CEP83: variants seen among roughly 807,000 people sequenced by gnomAD.
CEP83 encodes centrosomal protein of 83 kDa.
Under a neutral mutation model 101.9 loss-of-function variants are expected in CEP83, and 70 were observed. That is an observed-to-expected ratio of 0.69 (90% CI 0.57 to 0.84). CEP83 has a LOEUF of 0.84. CEP83 is among the 40% of genes least tolerant of loss of function. The probability of loss-of-function intolerance (pLI) is 0.00; values close to 1 mark genes in which losing one functional copy is unlikely to be tolerated. For synonymous variants in CEP83, 264 were observed against 267.9 expected, an observed-to-expected ratio of 0.99 and a Z score of 0.14; for missense variants, 715 against 787.2, an observed-to-expected ratio of 0.91 and a Z score of 1.10.
Position 94,428,158 on chromosome 12 carries a change from T to C in CEP83, c.-102+7117A>G, listed in dbSNP as rs147600862. On this transcript the variant is annotated intron_variant, in intron 2 of 16. Transcript: ENST00000397809. ...AATTCACACAAAAGAATCTAGAAAG[T>C]AGGACATAGTAATGACTCAACCTCA... 1.7e-3 allele frequency among the ~76,000 whole-genome samples: 254 copies of C among 152,374 alleles called. 2 individuals are homozygous for C. The highest frequency in any genetic ancestry group is 5.7e-3 in the African/African-American group (235 of 41,592).
intron 4 of CEP83, among the ~76,000 whole-genome samples, chr12:94,408,638 G>C (rs1297212962): frequency 6.6e-6 from 1 of 151,890 alleles, no homozygotes; most frequent in African/African-American, 2.4e-5. Context: ...AAAGTGTGGT[G>C]GTGTAACCAT....
rs79115110 is a variant in CEP83 at position 94,411,959 on chromosome 12, C to T, written c.174-112G>A. 45,915 of 784,370 alleles carry T rather than the reference C, an allele frequency of 0.059. 1,690 individuals are homozygous for T. The highest frequency in any genetic ancestry group is 0.076 in the Non-Finnish European group (36,864 of 482,554). 48.6% of individuals were successfully genotyped at this position (784,370 alleles called of 1,614,324 possible). A position where few individuals can be genotyped will look rare whatever the true frequency, so the allele number is the denominator to read the frequency against. ...AAAAACAAGACCAATATCACACATT[C>T]CTTTAAACCCACAAGTATCTTTTAT... On this transcript the variant is annotated intron_variant, in intron 3 of 16. Coordinates refer to ENST00000397809, the MANE Select transcript of CEP83 (RefSeq NM_016122.3).
intron 1 of CEP83, among the ~76,000 whole-genome samples, chr12:94,450,085 C>T (rs1180375159): frequency 6.6e-6 from 1 of 152,152 alleles, no homozygotes; most frequent in African/African-American, 2.4e-5. Flanking sequence ...TGTTTTCCCC[C>T]TAAGACTGGG....
At chr12:94,319,297 T>C (rs1593121582) in intron 14 of CEP83, among the ~76,000 whole-genome samples, 1 of 152,294 alleles carries the variant, frequency 6.6e-6, no homozygotes, top group East Asian at 1.9e-4. Context: ...GATCTTCTCA[T>C]TTTTCTTCAT....
chr12:94,426,448 A>G (rs1593969722), intron 2 of CEP83, among the ~76,000 whole-genome samples: 1 of 152,224 alleles, frequency 6.6e-6, no homozygotes, highest in East Asian at 1.9e-4. Context: ...TGTCTTACTC[A>G]TGTTCATAAT....
intron 11 of CEP83, among the ~76,000 whole-genome samples, chr12:94,347,411 T>C (rs1189971284): frequency 6.6e-6 from 1 of 152,124 alleles, no homozygotes; most frequent in Non-Finnish European, 1.5e-5. Flanking sequence ...CAAGTGTCAG[T>C]AGGGATGTAA....
At chr12:94,314,778 T>C (rs1239888999) in intron 14 of CEP83, among the ~76,000 whole-genome samples, 1 of 152,236 alleles carries the variant, frequency 6.6e-6, no homozygotes, top group Non-Finnish European at 1.5e-5. Context: ...TTTATCACCA[T>C]AAGTATTTAT....
chr12:94,391,741 G>A (rs952736198), intron 6 of CEP83, among the ~76,000 whole-genome samples: 10 of 151,946 alleles, frequency 6.6e-5, no homozygotes, highest in Non-Finnish European at 1.5e-4. Flanking sequence ...CCCATCTCAC[G>A]TGCAAAGACG....
At chr12:94,294,384 A>T in the CEP83 span, 6 of 606,968 alleles carry the variant, frequency 9.9e-6, no homozygotes, top group East Asian at 1.5e-4. Flanking sequence ...TTGATTTAAT[A>T]AGTGACAGCA....
chr12:94,452,281 A>C lies in CEP83; in HGVS notation c.-155+7276T>G, dbSNP rs563276403. ...GTGATGACAGTCGCACAACTCTATA[A>C]AGTTGCTAAAAACCATTAAATTGTA... On this transcript the variant is annotated intron_variant, in intron 1 of 16. Coordinates refer to ENST00000397809, the MANE Select transcript of CEP83 (RefSeq NM_016122.3). Among the ~76,000 whole-genome samples the C allele has an allele frequency of 1.8e-4, 28 of 152,234 alleles. No individual in the cohort carries two copies. The South Asian group carries it at 4.1e-3, about 23-fold the overall frequency.
the CEP83 span, among the ~76,000 whole-genome samples, chr12:94,284,136 T>TGGTCTTA: frequency 2.7e-5 from 4 of 149,962 alleles, no homozygotes; most frequent in Admixed American, 1.3e-4. Flanking sequence ...TCTCAAGCAC[T>TGGTCTTA]GGTCTTAGGT....
At chr12:94,392,210 C>T (rs1013746355) in intron 6 of CEP83, among the ~76,000 whole-genome samples, 3 of 152,212 alleles carry the variant, frequency 2.0e-5, no homozygotes, top group East Asian at 1.9e-4. Context: ...CCACATTGCA[C>T]TTATTCTAAA....
At chr12:94,285,945 G>A in the CEP83 span, among the ~76,000 whole-genome samples, 9 of 152,320 alleles carry the variant, frequency 5.9e-5, no homozygotes, top group Admixed American at 5.9e-4. Context: ...CGCAGAGGCA[G>A]GGGATGGGGC....
chr12:94,433,654 C>A (rs2065800360), intron 2 of CEP83, among the ~76,000 whole-genome samples: 1 of 151,306 alleles, frequency 6.6e-6, no homozygotes, highest in Non-Finnish European at 1.5e-5. Flanking sequence ...TGCACTCCAG[C>A]CTGGGTGACG....
At position 94,437,669 on chromosome 12, in the gene CEP83, T is replaced by C. The variant is rs140551448; in HGVS notation, c.-154-2342A>G. On this transcript the variant is annotated intron_variant, in intron 1 of 16. Coordinates refer to ENST00000397809, the MANE Select transcript of CEP83 (RefSeq NM_016122.3). ...TGAAAGAGCAATAGAGTCTTTTTCA[T>C]ACAAACGAATGCTCAGAGAATTCAC... is the stretch of plus-strand genomic sequence containing the variant. Among the ~76,000 whole-genome samples, 342 of 152,282 alleles carry C rather than the reference T, an allele frequency of 2.2e-3. 1 individual carries two copies. The highest frequency in any genetic ancestry group is 6.8e-3 in the Middle Eastern group (2 of 294).
At position 94,369,970 on chromosome 12, in the gene CEP83, T is replaced by G. The variant is rs762393968; in HGVS notation, c.1000A>C (p.Lys334Gln). 1.2e-6 allele frequency: 2 copies of G among 1,611,120 alleles called. No homozygotes were observed. Among genetic ancestry groups the G allele is most frequent in the Non-Finnish European group, 1.7e-6 (2 of 1,177,644 alleles). The change falls in exon 9 of 17, where the codon AAG becomes CAG. Residue 334 changes from lysine (K) to glutamine (Q), a missense_variant. By Grantham distance (53) the Lys-to-Gln change is moderately conservative. Coordinates refer to ENST00000397809, the MANE Select transcript of CEP83 (RefSeq NM_016122.3). ...TTCCTTTCTCTTTCTAGCTCACTCT[T>G]AGCTCTTGCTGTCTCCAGTTTGATG... ...TDIKLETARA[K>Q]SELERERNKI...
chr12:94,428,638 C>T (rs1016617703), intron 2 of CEP83, among the ~76,000 whole-genome samples: 1 of 152,150 alleles, frequency 6.6e-6, no homozygotes, highest in African/African-American at 2.4e-5. Flanking sequence ...AAATTTTTCA[C>T]AGCCAGAAAA....
At chr12:94,417,809 T>C (rs1352274630) in intron 2 of CEP83, among the ~76,000 whole-genome samples, 1 of 151,476 alleles carries the variant, frequency 6.6e-6, no homozygotes, top group East Asian at 1.9e-4. Context: ...CATACATACA[T>C]ACATACATAC....
chr12:94,336,842 T>A (rs1191175177), intron 11 of CEP83, among the ~76,000 whole-genome samples: 4 of 151,926 alleles, frequency 2.6e-5, no homozygotes, highest in African/African-American at 4.8e-5. Context: ...TTTTTTTTTT[T>A]AAATAAGAGA....
Sources: gnomAD v4.1 joint callset for allele counts (sites outside exome capture counted in the v4.1 genomes callset) on GRCh38, gnomAD v4.1.1 for gene constraint, MANE v1.5 for transcripts, NCBI Gene and HGNC (gene_info 2026-07-23, HGNC 2026-07-21) for gene names.